MTUS1: variants seen among roughly 807,000 people sequenced by gnomAD.
The protein encoded by MTUS1 is microtubule associated scaffold protein 1.
In MTUS1, 109 loss-of-function variants were observed where a neutral mutation model predicts 120.8. The observed-to-expected ratio is 0.90, with a 90% confidence interval of 0.77 to 1.06. MTUS1 has a LOEUF of 1.06. Ranked by LOEUF, MTUS1 falls within the 50% of genes least tolerant of loss-of-function variation. The pLI is 0.00. For missense variants in MTUS1, 2,210 were observed against 1,486.3 expected, an observed-to-expected ratio of 1.49 and a Z score of -8.01; for synonymous variants, 737 against 550.5, an observed-to-expected ratio of 1.34 and a Z score of -4.74.
At chr8:17,661,325 C>A (rs10093878) in intron 8 of MTUS1, among the ~76,000 whole-genome samples, 17,303 of 152,024 alleles carry the variant, frequency 0.11, 1,376 homozygotes, top group East Asian at 0.24. Context: ...TTAAAATTTC[C>A]GGTATTTCCA....
chr8:17,751,530 C>T (rs1294817799), intron 2 of MTUS1, among the ~76,000 whole-genome samples: 4 of 151,664 alleles, frequency 2.6e-5, no homozygotes, highest in East Asian at 2.0e-4. Flanking sequence ...GGTAAACTAG[C>T]AAAATTAGAG....
chr8:17,661,749 C>G (rs1363123292), intron 8 of MTUS1, among the ~76,000 whole-genome samples: 3 of 151,782 alleles, frequency 2.0e-5, no homozygotes, highest in Admixed American at 1.3e-4. Flanking sequence ...GATGGGGGAA[C>G]AGGAGGTTCA....
chr8:17,759,015 G>A (rs2048836488), intron 1 of MTUS1, among the ~76,000 whole-genome samples: 1 of 152,096 alleles, frequency 6.6e-6, no homozygotes, highest in South Asian at 2.1e-4. Context: ...CCGAGTAGCT[G>A]GGATTACAGG....
At chr8:17,693,967 T>G (rs556133112) in intron 6 of MTUS1, among the ~76,000 whole-genome samples, 2 of 152,360 alleles carry the variant, frequency 1.3e-5, no homozygotes, top group South Asian at 2.1e-4. Context: ...GACCAAATAC[T>G]AAGCTCTTCA....
chr8:17,800,625 C>G (rs2052606746), intron 1 of MTUS1: 1 of 152,140 alleles, frequency 6.6e-6, no homozygotes, highest in Admixed American at 6.5e-5. Context: ...TTTTCTAGAG[C>G]GTGAAAAAGT....
At chr8:17,658,531 C>G (rs1237952352) in intron 8 of MTUS1, among the ~76,000 whole-genome samples, 2 of 152,188 alleles carry the variant, frequency 1.3e-5, no homozygotes, top group Non-Finnish European at 2.9e-5. Flanking sequence ...TACAGGCAGA[C>G]AGGGTACTAC....
At chr8:17,780,415 C>A (rs1428788865) in intron 1 of MTUS1, among the ~76,000 whole-genome samples, 3 of 152,212 alleles carry the variant, frequency 2.0e-5, no homozygotes, top group African/African-American at 4.8e-5. Flanking sequence ...CAAGAACAGT[C>A]TGATACAATC....
chr8:17,701,725 A>G (rs1323881480), intron 6 of MTUS1, among the ~76,000 whole-genome samples: 1 of 151,752 alleles, frequency 6.6e-6, no homozygotes, highest in Non-Finnish European at 1.5e-5. Flanking sequence ...TTTTTTTTGT[A>G]TTTTTAGTAG....
At chr8:17,688,737 G>A (rs1816351524) in intron 6 of MTUS1, among the ~76,000 whole-genome samples, 1 of 152,122 alleles carries the variant, frequency 6.6e-6, no homozygotes, top group South Asian at 2.1e-4. Context: ...ATTAGTTTAT[G>A]TTTGTATAAA....
chr8:17,800,197 C>T (rs559050651), intron 1 of MTUS1, among the ~76,000 whole-genome samples: 1 of 152,176 alleles, frequency 6.6e-6, no homozygotes, highest in African/African-American at 2.4e-5. Flanking sequence ...TCCTGCATTG[C>T]CTCCCTTCCT....
chr8:17,654,841 C>T, intron 9 of MTUS1, 175 bp from the exon 10 acceptor site: 1 of 593,076 alleles, frequency 1.7e-6, no homozygotes, highest in East Asian at 2.8e-5. Flanking sequence ...GTAACCTCAG[C>T]ACTCTGGGAG....
chr8:17,785,753 G>T (rs1367769404), intron 1 of MTUS1, among the ~76,000 whole-genome samples: 1 of 152,200 alleles, frequency 6.6e-6, no homozygotes, highest in East Asian at 1.9e-4. Flanking sequence ...GACAAAGGCA[G>T]ATCTGGAGGG....
At chr8:17,740,015 G>A (rs947588095) in intron 3 of MTUS1, among the ~76,000 whole-genome samples, 5 of 152,110 alleles carry the variant, frequency 3.3e-5, no homozygotes, top group African/African-American at 1.2e-4. Flanking sequence ...AGACCGGCCT[G>A]GCCAACATGG....
intron 1 of MTUS1, among the ~76,000 whole-genome samples, chr8:17,799,914 T>C (rs1031584511): frequency 1.2e-4 from 18 of 152,026 alleles, no homozygotes; most frequent in Non-Finnish European, 2.1e-4. Flanking sequence ...TTTGTATAGC[T>C]TTCCTAATGG....
Position 17,754,844 on chromosome 8 carries a change from G to C in MTUS1, c.964C>G (p.Pro322Ala). ...CLSHDESNSE[P>A]HSQSSYRHKE... ...TGCCTGTATGAGCTCTGTGAATGTG[G>C]TTCGCTATTGGATTCATCATGGGAT... The change falls in exon 2 of 15, where the codon CCA becomes GCA. Residue 322 changes from proline to alanine, a missense_variant. Coordinates refer to ENST00000693296, the MANE Select transcript of MTUS1 (RefSeq NM_001363059.2). 6.2e-7 allele frequency: 1 copy of C among 1,614,192 alleles called. No homozygotes were observed. The highest frequency in any genetic ancestry group is 1.3e-5 in the African/African-American group (1 of 75,054).
intron 6 of MTUS1, chr8:17,693,434 A>G (rs929836750): frequency 1.3e-5 from 2 of 152,128 alleles, no homozygotes; most frequent in Non-Finnish European, 2.9e-5. Context: ...CCCAGTAATA[A>G]TATATCAGAG....
At chr8:17,787,106 C>A (rs568108220) in intron 1 of MTUS1, among the ~76,000 whole-genome samples, 1 of 152,308 alleles carries the variant, frequency 6.6e-6, no homozygotes, top group African/African-American at 2.4e-5. Context: ...CAGTGTTTGG[C>A]AAATCCAAGG....
chr8:17,674,945 A>G (rs2269697), intron 8 of MTUS1: 851,819 of 1,269,662 alleles, frequency 0.67, 288,808 homozygotes, highest in East Asian at 0.79. Context: ...CAAGAGAAAT[A>G]TTTTGCTCAT....
intron 4 of MTUS1, chr8:17,721,702 G>T: frequency 1.3e-6 from 2 of 1,544,328 alleles, no homozygotes; most frequent in South Asian, 1.3e-5. Context: ...ACCAGAAATC[G>T]TCGACCTACT....
Sources: gnomAD v4.1 joint callset for allele counts (sites outside exome capture counted in the v4.1 genomes callset) on GRCh38, gnomAD v4.1.1 for gene constraint, MANE v1.5 for transcripts, NCBI Gene and HGNC (gene_info 2026-07-23, HGNC 2026-07-21) for gene names.